TBC1D30: variants seen among roughly 807,000 people sequenced by gnomAD.
The protein encoded by TBC1D30 is TBC1 domain family, member 30.
TBC1D30 carries 31 observed loss-of-function variants against 63.2 expected under a neutral mutation model. The ratio of observed to expected loss-of-function variants is 0.49; its 90% CI spans 0.37 to 0.66. TBC1D30 has a LOEUF of 0.66. Among genes scored for constraint, TBC1D30 ranks in the 30% least tolerant of loss-of-function variants. TBC1D30 has a pLI of 0.00. For missense variants in TBC1D30, 810 were observed against 953.6 expected (o/e 0.85, Z 1.98); for synonymous variants, 307 against 361.5 (o/e 0.85, Z 1.71).
chr12:64,827,875 A>G lies in TBC1D30; in HGVS notation c.195A>G (p.Leu65=). Residue 65 remains leucine (L), a synonymous_variant, in exon 2 of 12, where the codon TTA becomes TTG. Transcript: ENST00000539867. The part of the protein sequence containing the change: ...TKLKFTLEPS[L]GQNGFQQWYD... The stretch of plus-strand genomic sequence containing the variant: ...TGAAATTCACTCTTGAGCCATCTTT[A>G]GGTCAAAATGGTTTTCAGCAGGTAA... 1 of 1,535,072 alleles carries G rather than the reference A, an allele frequency of 6.5e-7. No individual in the cohort carries two copies. The highest frequency in any genetic ancestry group is 1.2e-5 in the South Asian group (1 of 83,784).
upstream of TBC1D30, among the ~76,000 whole-genome samples, chr12:64,823,476 T>G (rs577919744): frequency 1.3e-5 from 2 of 152,288 alleles, no homozygotes; most frequent in Admixed American, 1.3e-4. Context: ...AATTTATTCA[T>G]TTATAGTCAG....
intron 2 of TBC1D30, among the ~76,000 whole-genome samples, chr12:64,787,921 C>T (rs1325233581): frequency 6.6e-6 from 1 of 152,074 alleles, no homozygotes; most frequent in Non-Finnish European, 1.5e-5. Flanking sequence ...GTAATCCCAG[C>T]TACTCAGGAG....
intron 2 of TBC1D30, among the ~76,000 whole-genome samples, chr12:64,800,562 G>A (rs1872541873): frequency 6.6e-6 from 1 of 152,152 alleles, no homozygotes; most frequent in South Asian, 2.1e-4. Flanking sequence ...TATGGGAAGA[G>A]GAGGAATCTG....
chr12:64,880,727 C>A lies in TBC1D30; in HGVS notation c.*4939C>A, dbSNP rs1879409925. On this transcript the variant is annotated 3_prime_UTR_variant, in exon 12 of 12. Coordinates refer to ENST00000539867, the MANE Select transcript of TBC1D30 (RefSeq NM_015279.2). The stretch of plus-strand genomic sequence containing the variant: ...CTTGATTCCATTCTCTCCATCCCTT[C>A]CATCCCAGGCAATCTTTATCTAGCT... 6.6e-6 allele frequency: 1 copy of A among 152,250 alleles called. No homozygotes were observed. The highest frequency in any genetic ancestry group is 1.5e-5 in the Non-Finnish European group (1 of 68,050). The allele number at this position is 152,250 out of a possible 1,614,324, so 9.4% of individuals were successfully genotyped here.
intron 2 of TBC1D30, among the ~76,000 whole-genome samples, chr12:64,791,499 TTTG>T (rs763200771): frequency 1.3e-5 from 2 of 152,010 alleles, no homozygotes; most frequent in Non-Finnish European, 2.9e-5. Flanking sequence ...CAAGTGATGT[TTTG>T]TTGTTGTTGT....
chr12:64,787,482 C>T, intron 2 of TBC1D30: 2 of 530,172 alleles, frequency 3.8e-6, no homozygotes, highest in Non-Finnish European at 4.8e-6. Flanking sequence ...CACTCTGTCA[C>T]ATTTTGTACG....
intron 11 of TBC1D30, 105 bp from the exon 12 acceptor site, chr12:64,874,896 G>C (rs977133355): frequency 3.7e-6 from 4 of 1,069,376 alleles, no homozygotes; most frequent in Non-Finnish European, 5.3e-6. Flanking sequence ...CACATGGGAA[G>C]GGATGTGGTA....
At chr12:64,777,807 C>T (rs1381951493), upstream of TBC1D30, among the ~76,000 whole-genome samples, 7 of 152,152 alleles carry the variant, frequency 4.6e-5, no homozygotes, top group African/African-American at 7.2e-5. Flanking sequence ...TTGCCCAGGC[C>T]GGAGTGCAGT....
chr12:64,809,350 T>C (rs1035282201), intron 2 of TBC1D30, among the ~76,000 whole-genome samples: 65 of 152,116 alleles, frequency 4.3e-4, no homozygotes, highest in African/African-American at 1.5e-3. Flanking sequence ...ACATATGATA[T>C]TTGGTTGTCC....
At chr12:64,858,037 T>C (rs1877461880) in intron 8 of TBC1D30, among the ~76,000 whole-genome samples, 1 of 152,218 alleles carries the variant, frequency 6.6e-6, no homozygotes, top group Non-Finnish European at 1.5e-5. Context: ...CCTCTTTCCA[T>C]GATATGGAGT....
chr12:64,845,245 A>G (rs1254376927), intron 8 of TBC1D30, among the ~76,000 whole-genome samples: 2 of 152,150 alleles, frequency 1.3e-5, no homozygotes, highest in African/African-American at 4.8e-5. Flanking sequence ...AACAGTGTAC[A>G]AGGGTTCCCT....
intron 1 of TBC1D30, among the ~76,000 whole-genome samples, chr12:64,785,646 C>T (rs1305200136): frequency 6.6e-6 from 1 of 152,162 alleles, no homozygotes; most frequent in Non-Finnish European, 1.5e-5. Flanking sequence ...CTCCATGTTA[C>T]AGATAGGCTT....
intron 7 of TBC1D30, among the ~76,000 whole-genome samples, chr12:64,839,592 A>T (rs1182161483): frequency 1.3e-5 from 2 of 152,244 alleles, no homozygotes; most frequent in Non-Finnish European, 2.9e-5. Context: ...ACAACATGTC[A>T]CAAAACTAGT....
intron 8 of TBC1D30, among the ~76,000 whole-genome samples, chr12:64,862,968 C>G (rs1236610905): frequency 6.6e-6 from 1 of 152,304 alleles, no homozygotes; most frequent in South Asian, 2.1e-4. Flanking sequence ...TTTCACATCT[C>G]TTGCCTTCCC....
chr12:64,817,285 G>A (rs1398305254), intron 2 of TBC1D30, among the ~76,000 whole-genome samples: 6 of 152,130 alleles, frequency 3.9e-5, no homozygotes, highest in Non-Finnish European at 7.3e-5. Context: ...AGTATTGAGC[G>A]CCTGCTTTAT....
At chr12:64,783,330 T>C (rs1871386756) in intron 1 of TBC1D30, among the ~76,000 whole-genome samples, 1 of 152,332 alleles carries the variant, frequency 6.6e-6, no homozygotes, top group South Asian at 2.1e-4. Flanking sequence ...TTGGACAAGC[T>C]ATTTAACATC....
intron 10 of TBC1D30, chr12:64,868,585 C>T (rs922571818): frequency 5.8e-5 from 18 of 310,868 alleles, no homozygotes; most frequent in East Asian, 1.7e-4. Context: ...AGCATCTTTT[C>T]GGCAAACTTC....
At chr12:64,790,103 C>T (rs1247168548) in intron 2 of TBC1D30, among the ~76,000 whole-genome samples, 1 of 152,120 alleles carries the variant, frequency 6.6e-6, no homozygotes, top group Admixed American at 6.6e-5. Context: ...TTTTTCTTAG[C>T]AGTTAGATAG....
intron 2 of TBC1D30, among the ~76,000 whole-genome samples, chr12:64,792,723 A>G (rs1230767418): frequency 2.6e-5 from 4 of 152,088 alleles, no homozygotes; most frequent in African/African-American, 7.2e-5. Context: ...GGTGTGTGCC[A>G]CCACACCCAG....
Sources: gnomAD v4.1 joint callset for allele counts (sites outside exome capture counted in the v4.1 genomes callset) on GRCh38, gnomAD v4.1.1 for gene constraint, MANE v1.5 for transcripts, NCBI Gene and HGNC (gene_info 2026-07-23, HGNC 2026-07-21) for gene names.